Variants in SNX10 observed in about 807,000 individuals in gnomAD.
SNX10 encodes sorting nexin 10.
A neutral mutation model predicts 28.5 loss-of-function variants in SNX10; 25 were observed. The observed-to-expected ratio is 0.88, with a 90% CI of 0.64 to 1.22. SNX10 has a LOEUF of 1.22. Among genes scored for constraint, SNX10 ranks in the 50% most tolerant of loss-of-function variants. The pLI, the probability that SNX10 is intolerant of heterozygous loss-of-function variation, is 0.00. For synonymous variants in SNX10, 62 were observed against 81.4 expected, an observed-to-expected ratio of 0.76 and a Z score of 1.28; for missense variants, 223 against 242.6, an observed-to-expected ratio of 0.92 and a Z score of 0.54.
rs553784378 is a variant in SNX10, at chr7:26,368,186, G to A, written c.311+3041G>A. Among the ~76,000 whole-genome samples, 12 of 152,082 alleles carry A rather than the reference G, an allele frequency of 7.9e-5. No individual in the cohort carries two copies. The South Asian group carries it at 2.5e-3, about 32-fold the overall frequency. Reference sequence around the variant, plus strand: ...TCAGTACTAAAAATCTTAGGAGTTGGGTATTATCTCAGTTTTATAGATAAA... The same window carrying A: ...TCAGTACTAAAAATCTTAGGAGTTGAGTATTATCTCAGTTTTATAGATAAA... On this transcript the variant is annotated intron_variant, in intron 5 of 6. Transcript: ENST00000338523.
At chr7:26,362,598 A>C (rs1789122288) in intron 3 of SNX10, among the ~76,000 whole-genome samples, 1 of 152,246 alleles carries the variant, frequency 6.6e-6, no homozygotes, top group Non-Finnish European at 1.5e-5. Context: ...TTAATCAGTT[A>C]GTGATCTCAG....
At chr7:26,315,215 T>A (rs1787028047) in intron 1 of SNX10, among the ~76,000 whole-genome samples, 1 of 152,200 alleles carries the variant, frequency 6.6e-6, no homozygotes. Context: ...ATAGAAATAT[T>A]TGTTTACAAG....
At chr7:26,372,141 A>C (rs1789576417) in intron 6 of SNX10, 108 bp downstream of exon 6, 2 of 743,078 alleles carry the variant, frequency 2.7e-6, no homozygotes, top group East Asian at 5.4e-5. Flanking sequence ...TGTTGATATA[A>C]TACTAAGATA....
chr7:26,369,045 A>G (rs919614973), intron 5 of SNX10, among the ~76,000 whole-genome samples: 8 of 152,202 alleles, frequency 5.3e-5, no homozygotes, highest in Admixed American at 3.3e-4. Context: ...GGGAAAAAAA[A>G]CAGATTTTGC....
intron 1 of SNX10, among the ~76,000 whole-genome samples, chr7:26,299,438 C>T (rs1326057189): frequency 6.6e-6 from 1 of 151,954 alleles, no homozygotes; most frequent in Non-Finnish European, 1.5e-5. Flanking sequence ...CCTGCCTCAG[C>T]CTCCCAAAGT....
intron 1 of SNX10, among the ~76,000 whole-genome samples, chr7:26,320,344 T>TA: frequency 6.6e-6 from 1 of 152,200 alleles, no homozygotes; most frequent in East Asian, 1.9e-4. Flanking sequence ...ATGTACAAAG[T>TA]AAAAAAATGA....
intron 1 of SNX10, among the ~76,000 whole-genome samples, chr7:26,311,655 C>T (rs1016103762): frequency 6.6e-6 from 1 of 152,064 alleles, no homozygotes; most frequent in Non-Finnish European, 1.5e-5. Flanking sequence ...TCTTACTTTT[C>T]AATTAAATTT....
Position 26,346,311 on chromosome 7 carries a change from G to A in SNX10, c.-23-109G>A, listed in dbSNP as rs1376494871. The A allele has an allele frequency of 8.9e-5, 67 of 752,806 alleles. 1 individual carries two copies. Among genetic ancestry groups the A allele is most frequent in the Non-Finnish European group, 7.0e-5 (29 of 414,084 alleles). 46.6% of individuals were successfully genotyped at this position (752,806 alleles called of 1,614,324 possible). ...AGCAGAGGCTCACATGTCAGGGACTGTGGGGCGGGGGGGGCTCTGTCAGGG... is the reference window on the plus strand; with the variant it reads ...AGCAGAGGCTCACATGTCAGGGACTATGGGGCGGGGGGGGCTCTGTCAGGG... On this transcript the variant is annotated intron_variant, in intron 1 of 6. Transcript: ENST00000338523.
At position 26,372,779 on chromosome 7, in the gene SNX10, A is replaced by C. The variant is rs189061859; in HGVS notation, c.*207A>C. ...CTGTGTAAAGCTAAAAATCCTGTGA[A>C]TACAATACTATCCTTTACAGGCAGA... On this transcript the variant is annotated 3_prime_UTR_variant, in exon 7 of 7. Coordinates refer to ENST00000338523, the MANE Select transcript of SNX10 (RefSeq NM_013322.3). 11 of 490,036 alleles carry C rather than the reference A, an allele frequency of 2.2e-5. No homozygotes were observed. The highest frequency in any genetic ancestry group is 1.8e-4 in the African/African-American group (9 of 51,106). 30.4% of individuals were successfully genotyped at this position (490,036 alleles called of 1,614,324 possible). A position where few individuals can be genotyped will look rare whatever the true frequency, so the allele number is the denominator to read the frequency against.
chr7:26,356,128 CAG>C (rs966123103), intron 2 of SNX10, among the ~76,000 whole-genome samples: 1 of 152,046 alleles, frequency 6.6e-6, no homozygotes, highest in African/African-American at 2.4e-5. Flanking sequence ...GGGGGAAAAA[CAG>C]GGAACATTGA....
At chr7:26,367,510 C>T (rs1304848723) in intron 5 of SNX10, among the ~76,000 whole-genome samples, 1 of 152,178 alleles carries the variant, frequency 6.6e-6, no homozygotes, top group African/African-American at 2.4e-5. Flanking sequence ...CAGCCTAAAC[C>T]TGAAGGAAGT....
chr7:26,353,052 G>A (rs1284959473), intron 2 of SNX10, among the ~76,000 whole-genome samples: 1 of 152,092 alleles, frequency 6.6e-6, no homozygotes, highest in Non-Finnish European at 1.5e-5. Context: ...GCTGATTTGG[G>A]ATACTACTTG....
intron 1 of SNX10, among the ~76,000 whole-genome samples, chr7:26,305,214 C>G (rs1232427759): frequency 1.3e-5 from 2 of 152,180 alleles, no homozygotes; most frequent in Non-Finnish European, 2.9e-5. Context: ...CTCCATCCCC[C>G]TCACTTGTCC....
At position 26,372,077 on chromosome 7, in the gene SNX10, TAC is replaced by T. The variant is rs1370251634; in HGVS notation, c.524+46_524+47del. ...ATTTAATGTATATGTATTTATATAA[TAC>T]ATAGTATGCACATATGCACGTGTAT... On this transcript the variant is annotated intron_variant, in intron 6 of 6. Transcript: ENST00000338523. The T allele has an allele frequency of 6.2e-6, 8 of 1,283,882 alleles. No individual in the cohort carries two copies. The East Asian group carries it at 7.4e-5, about 12-fold the overall frequency. The allele number at this position is 1,283,882 out of a possible 1,614,324, so 79.5% of individuals were successfully genotyped here.
rs772724819 is a variant in SNX10, at chr7:26,364,636, G to T, written c.212+1G>T. 3.5e-5 allele frequency: 56 copies of T among 1,605,444 alleles called. No individual in the cohort carries two copies. The highest frequency in any genetic ancestry group is 3.7e-5 in the Non-Finnish European group (43 of 1,172,430). On this transcript the variant is annotated splice_donor_variant, in intron 4 of 6. Transcript: ENST00000338523. LOFTEE classifies it high-confidence loss of function. The surrounding 1 kb of genome is among the most constrained non-coding windows in gnomAD (Gnocchi z 4.9). ...GACTCCAAAGTAATGCGTTGCTGGT[G>T]TAAGTGATTTAGAGTATACTGTGGA... is the stretch of plus-strand genomic sequence containing the variant.
chr7:26,349,259 AC>A (rs1468199842), intron 2 of SNX10, among the ~76,000 whole-genome samples: 3 of 152,088 alleles, frequency 2.0e-5, no homozygotes, highest in African/African-American at 7.2e-5. Flanking sequence ...AGATTTATTT[AC>A]CATCCTCGTA....
chr7:26,308,486 A>T (rs1201735981), intron 1 of SNX10, among the ~76,000 whole-genome samples: 5 of 152,048 alleles, frequency 3.3e-5, no homozygotes, highest in Non-Finnish European at 7.4e-5. Flanking sequence ...TGCTTCAGTC[A>T]TCCCTGTTCA....
At chr7:26,314,879 T>C (rs1355367755) in intron 1 of SNX10, among the ~76,000 whole-genome samples, 1 of 152,162 alleles carries the variant, frequency 6.6e-6, no homozygotes, top group East Asian at 1.9e-4. Context: ...ACACCTGTAG[T>C]CCCAGCTACT....
chr7:26,360,611 T>G, intron 2 of SNX10: 1 of 227,184 alleles, frequency 4.4e-6, no homozygotes, highest in Non-Finnish European at 8.5e-6. Flanking sequence ...TTTAGAGAGA[T>G]GAAGAAAGTA....
Sources: gnomAD v4.1 joint callset for allele counts (sites outside exome capture counted in the v4.1 genomes callset) on GRCh38, gnomAD v4.1.1 for gene constraint, Gnocchi (gnomAD v3.1) non-coding constraint, MANE v1.5 for transcripts, NCBI Gene and HGNC (gene_info 2026-07-23, HGNC 2026-07-21) for gene names.